The following RALGPS2 variants were observed in gnomAD, a reference collection of about 807,000 sequenced individuals.
The protein encoded by RALGPS2 is Ral GEF with PH domain and SH3 binding motif 2.
A neutral mutation model predicts 86.8 loss-of-function variants in RALGPS2; 43 were observed. That is an observed-to-expected ratio of 0.50 (90% CI 0.39 to 0.64). The LOEUF is 0.64. RALGPS2 is among the 30% of genes least tolerant of loss of function. RALGPS2 has a pLI of 0.00. For synonymous variants in RALGPS2, 243 were observed against 231.3 expected, an observed-to-expected ratio of 1.05 and a Z score of -0.46; for missense variants, 536 against 694.6, an observed-to-expected ratio of 0.77 and a Z score of 2.57.
intron 2 of RALGPS2, among the ~76,000 whole-genome samples, chr1:178,780,956 G>T (rs1653363093): frequency 6.6e-6 from 1 of 151,672 alleles, no homozygotes; most frequent in African/African-American, 2.4e-5. Flanking sequence ...TTATATATAT[G>T]TTTGTAATAT....
intron 1 of RALGPS2, among the ~76,000 whole-genome samples, chr1:178,742,961 A>G (rs1281296227): frequency 2.0e-5 from 3 of 152,238 alleles, no homozygotes; most frequent in Non-Finnish European, 4.4e-5. Context: ...CATGCCTGTA[A>G]TCCCAACACT....
chr1:178,756,159 TTTAA>T (rs2102054889), intron 1 of RALGPS2, among the ~76,000 whole-genome samples: 1 of 152,336 alleles, frequency 6.6e-6, no homozygotes, highest in Admixed American at 6.5e-5. Context: ...GGAAGAGCTC[TTTAA>T]TTAGGTCCCA....
In RALGPS2 at chr1:178,784,466, A is replaced by G. The variant is rs780230074; in HGVS notation, c.106A>G (p.Lys36Glu). The G allele has an allele frequency of 6.2e-6, 10 of 1,607,026 alleles. No individual in the cohort carries two copies. The highest frequency in any genetic ancestry group is 1.3e-5 in the African/African-American group (1 of 74,848). The change falls in exon 3 of 20, where the codon AAA (lysine) becomes GAA (glutamate). Residue 36 changes from lysine to glutamate, a missense_variant. Coordinates refer to ENST00000367635, the MANE Select transcript of RALGPS2 (RefSeq NM_152663.5). The part of the protein sequence containing the change: ...SLSDKGSELK[K>E]SFDAVVFDVL... Reference sequence around the variant, plus strand: ...AAGTGACAAAGGCTCTGAATTGAAGAAAAGCTTTGATGCTGTGGTATTCGA... The same window carrying G: ...AAGTGACAAAGGCTCTGAATTGAAGGAAAGCTTTGATGCTGTGGTATTCGA...
intron 8 of RALGPS2, chr1:178,865,267 T>C (rs758246240): frequency 1.9e-6 from 3 of 1,614,132 alleles, no homozygotes; most frequent in Non-Finnish European, 2.5e-6. Context: ...CCCTGTATCT[T>C]GTTGCCATCT....
intron 6 of RALGPS2, among the ~76,000 whole-genome samples, chr1:178,816,872 C>G (rs1439542268): frequency 6.6e-6 from 1 of 151,780 alleles, no homozygotes; most frequent in East Asian, 2.0e-4. Context: ...CCACGCCCAG[C>G]TAATTTTTGT....
At chr1:178,734,525 T>C (rs1650566227) in intron 1 of RALGPS2, among the ~76,000 whole-genome samples, 1 of 152,206 alleles carries the variant, frequency 6.6e-6, no homozygotes, top group African/African-American at 2.4e-5. Flanking sequence ...CTTGTACATT[T>C]TAAATGGGTG....
intron 8 of RALGPS2, among the ~76,000 whole-genome samples, chr1:178,874,177 CAAG>C (rs1482402733): frequency 1.3e-5 from 2 of 152,046 alleles, no homozygotes; most frequent in African/African-American, 4.8e-5. Context: ...GGACAGGAAG[CAAG>C]GAGATGAAGT....
intron 8 of RALGPS2, among the ~76,000 whole-genome samples, chr1:178,834,351 C>T (rs957631358): frequency 7.2e-5 from 11 of 152,138 alleles, no homozygotes; most frequent in African/African-American, 2.7e-4. Context: ...GATGAAATTA[C>T]TCACACTAAA....
At chr1:178,725,867 C>G (rs1222420017) in intron 1 of RALGPS2, 1 of 152,332 alleles carries the variant, frequency 6.6e-6, no homozygotes, top group Admixed American at 6.5e-5. Context: ...GGCCACACCC[C>G]CTCCCCTGGC....
chr1:178,857,093 A>G (rs149349913), intron 8 of RALGPS2, among the ~76,000 whole-genome samples: 2 of 152,338 alleles, frequency 1.3e-5, no homozygotes, highest in African/African-American at 2.4e-5. Flanking sequence ...TTCAGAAAAG[A>G]TGAAATTTAC....
chr1:178,865,747 C>G (rs765650889), intron 8 of RALGPS2: 6 of 1,611,142 alleles, frequency 3.7e-6, no homozygotes, highest in Non-Finnish European at 5.1e-6. Flanking sequence ...GGAAGAATAG[C>G]ACACCTAGGG....
At chr1:178,873,638 C>T (rs185869363) in intron 8 of RALGPS2, among the ~76,000 whole-genome samples, 13 of 152,194 alleles carry the variant, frequency 8.5e-5, no homozygotes, top group Admixed American at 4.6e-4. Flanking sequence ...TACATGTGTA[C>T]TGGGAGATGT....
rs193120201 is a variant in RALGPS2 at position 178,849,795 on chromosome 1, G to C, written c.607+16245G>C. On this transcript the variant is annotated intron_variant, in intron 8 of 19. Coordinates refer to ENST00000367635, the MANE Select transcript of RALGPS2 (RefSeq NM_152663.5). ...AAACATTGGTCATGTTGATGGATTT[G>C]AGTTGTCCAAATGATTATCTTCACA... 2.0e-5 allele frequency: 3 copies of C among 152,338 alleles called. No homozygotes were observed. In the East Asian group the frequency reaches 5.8e-4, roughly 29 times the overall value. 9.4% of individuals were successfully genotyped at this position (152,338 alleles called of 1,614,324 possible). A position where few individuals can be genotyped will look rare whatever the true frequency, so the allele number is the denominator to read the frequency against.
chr1:178,746,979 C>T, intron 1 of RALGPS2: 1 of 976,450 alleles, frequency 1.0e-6, no homozygotes, highest in Non-Finnish European at 1.7e-6. Flanking sequence ...AAAGTTCTTT[C>T]CATCGTTTCT....
intron 1 of RALGPS2, among the ~76,000 whole-genome samples, chr1:178,776,084 T>G (rs1398594997): frequency 6.6e-6 from 1 of 152,144 alleles, no homozygotes; most frequent in Non-Finnish European, 1.5e-5. Context: ...CAAGAGGATG[T>G]GTATAGGTGA....
At chr1:178,807,196 T>C (rs1654785957) in intron 4 of RALGPS2, among the ~76,000 whole-genome samples, 1 of 152,108 alleles carries the variant, frequency 6.6e-6, no homozygotes, top group Non-Finnish European at 1.5e-5. Context: ...ATTAGCCGAA[T>C]GTGGTGGTAC....
intron 8 of RALGPS2, among the ~76,000 whole-genome samples, chr1:178,873,200 A>G (rs913443906): frequency 1.3e-5 from 2 of 152,238 alleles, no homozygotes; most frequent in African/African-American, 4.8e-5. Flanking sequence ...AATAAGTGAT[A>G]CATACAGATT....
At chr1:178,752,224 C>T (rs1288542572) in intron 1 of RALGPS2, among the ~76,000 whole-genome samples, 1 of 151,804 alleles carries the variant, frequency 6.6e-6, no homozygotes, top group Non-Finnish European at 1.5e-5. Flanking sequence ...CAGCCTTGAC[C>T]TCCCAAGCTG....
chr1:178,866,597 T>C (rs1658427412), intron 8 of RALGPS2, among the ~76,000 whole-genome samples: 1 of 152,160 alleles, frequency 6.6e-6, no homozygotes, highest in South Asian at 2.1e-4. Context: ...AGTAATTTTC[T>C]ACAACCATTA....
Sources: allele counts gnomAD v4.1 joint callset (sites outside exome capture counted in the v4.1 genomes callset), GRCh38; gene constraint gnomAD v4.1.1; transcripts MANE v1.5; gene names NCBI Gene and HGNC (gene_info 2026-07-23, HGNC 2026-07-21).